Variants in PMS1 observed in about 807,000 individuals in gnomAD.
The protein encoded by PMS1 is PMS1 protein homolog 1.
Under a neutral mutation model 93.1 loss-of-function variants are expected in PMS1, and 79 were observed. The ratio of observed to expected loss-of-function variants is 0.85; its 90% confidence interval spans 0.71 to 1.02. The LOEUF (loss-of-function observed/expected upper bound fraction) is 1.02, where lower values mean the gene tolerates loss of function less well. PMS1 is among the 50% of genes least tolerant of loss of function. The probability of loss-of-function intolerance (pLI) is 0.00; values close to 1 mark genes in which losing one functional copy is unlikely to be tolerated. For synonymous variants in PMS1, 335 were observed against 363.4 expected (o/e 0.92, Z 0.89); for missense variants, 1,064 against 1,085.3 (o/e 0.98, Z 0.28).
At chr2:189,855,590 T>A (rs564735862) in intron 9 of PMS1, among the ~76,000 whole-genome samples, 1 of 152,092 alleles carries the variant, frequency 6.6e-6, no homozygotes, top group African/African-American at 2.4e-5. Flanking sequence ...CACAAAAAAA[T>A]TTGTATTATT....
intron 9 of PMS1, among the ~76,000 whole-genome samples, chr2:189,862,709 G>T (rs982465107): frequency 4.6e-5 from 7 of 152,134 alleles, no homozygotes; most frequent in African/African-American, 1.7e-4. Context: ...TTTCAATTTT[G>T]TTCTTGGACC....
intron 12 of PMS1, among the ~76,000 whole-genome samples, chr2:189,874,329 G>A (rs1196349873): frequency 6.6e-6 from 1 of 152,170 alleles, no homozygotes; most frequent in Admixed American, 6.5e-5. Flanking sequence ...AAAAAGTATT[G>A]TAATATAATT....
intron 6 of PMS1, among the ~76,000 whole-genome samples, chr2:189,851,032 T>G (rs2054655845): frequency 1.3e-5 from 2 of 152,246 alleles, no homozygotes; most frequent in African/African-American, 2.4e-5. Context: ...AAGTCTTATC[T>G]AATTTTCAAT....
chr2:189,813,575 C>G (rs2051024657), intron 4 of PMS1, among the ~76,000 whole-genome samples: 1 of 152,118 alleles, frequency 6.6e-6, no homozygotes, highest in Admixed American at 6.6e-5. Flanking sequence ...ATTAATAATT[C>G]ATGTGTTGAT....
chr2:189,843,723 G>A (rs1205446204), intron 5 of PMS1, among the ~76,000 whole-genome samples: 2 of 152,124 alleles, frequency 1.3e-5, no homozygotes, highest in African/African-American at 4.8e-5. Context: ...GAGAAATCTT[G>A]TAAAGAGGAG....
chr2:189,866,750 G>A (rs2056692200), intron 10 of PMS1, among the ~76,000 whole-genome samples: 1 of 152,094 alleles, frequency 6.6e-6, no homozygotes, highest in Admixed American at 6.6e-5. Context: ...TTATAGCTGA[G>A]GAAACTGAAA....
At chr2:189,845,930 G>A (rs762763264) in intron 6 of PMS1, among the ~76,000 whole-genome samples, 33 of 151,916 alleles carry the variant, frequency 2.2e-4, no homozygotes, top group Non-Finnish European at 2.5e-4. Flanking sequence ...TACCATGTTG[G>A]CCGGGCTGGT....
chr2:189,794,992 C>T (rs1339925480), intron 2 of PMS1, among the ~76,000 whole-genome samples: 2 of 152,130 alleles, frequency 1.3e-5, no homozygotes, highest in Non-Finnish European at 2.9e-5. Context: ...CCCAGCACCT[C>T]AAGAGGCTGA....
chr2:189,816,123 C>A (rs559814166), intron 4 of PMS1, among the ~76,000 whole-genome samples: 1 of 152,298 alleles, frequency 6.6e-6, no homozygotes, highest in African/African-American at 2.4e-5. Context: ...TCTCTACTTC[C>A]TGGGCTCAAG....
chr2:189,825,366 A>C (rs1314781628), intron 5 of PMS1, among the ~76,000 whole-genome samples: 1 of 152,216 alleles, frequency 6.6e-6, no homozygotes, highest in Non-Finnish European at 1.5e-5. Context: ...CAGAAGCTTT[A>C]GTTGTAATAA....
chr2:189,834,073 A>G (rs2053183094), intron 5 of PMS1, among the ~76,000 whole-genome samples: 2 of 152,018 alleles, frequency 1.3e-5, no homozygotes, highest in Admixed American at 6.5e-5. Flanking sequence ...TTACAGAGTA[A>G]GGTTTTTAAA....
rs570876790 is a variant in PMS1 at position 189,791,856 on chromosome 2, A to G, written c.47A>G (p.Gln16Arg). 5 of 1,613,956 alleles carry G rather than the reference A, an allele frequency of 3.1e-6. No homozygotes were observed. The South Asian group carries it at 3.3e-5, about 11-fold the overall frequency. ...AATVRLLSSSQIITSVVSVVK... is the reference protein window; with the variant it reads ...AATVRLLSSSRIITSVVSVVK... The stretch of plus-strand genomic sequence containing the variant: ...ACAGTTCGACTCCTTTCAAGTTCTC[A>G]GATCATCACTTCGGTGGTCAGTGTT... Residue 16 changes from glutamine to arginine, a missense_variant, in exon 2 of 13, where the codon CAG becomes CGG. Transcript: ENST00000441310.
At chr2:189,807,165 A>G (rs1559234680) in intron 4 of PMS1, 1 of 166,610 alleles carries the variant, frequency 6.0e-6, no homozygotes, top group South Asian at 2.0e-4. Flanking sequence ...TTAATTACTG[A>G]TTACTTTTGC....
intron 4 of PMS1, among the ~76,000 whole-genome samples, chr2:189,812,022 C>G (rs189386949): frequency 6.6e-6 from 1 of 152,000 alleles, no homozygotes; most frequent in Non-Finnish European, 1.5e-5. Flanking sequence ...AAATTACAGG[C>G]GGGTGCGGTG....
intron 1 of PMS1, chr2:189,785,333 A>T (rs1364129493): frequency 6.6e-6 from 1 of 152,082 alleles, no homozygotes; most frequent in Non-Finnish European, 1.5e-5. Context: ...TCTGATCTTT[A>T]CTTCTTTTTT....
At position 189,844,080 on chromosome 2, in the gene PMS1, G is replaced by A; in HGVS notation, c.699G>A (p.Gln233=). 6.2e-7 allele frequency: 1 copy of A among 1,613,428 alleles called. No homozygotes were observed. Among genetic ancestry groups the A allele is most frequent in the Non-Finnish European group, 8.5e-7 (1 of 1,179,864 alleles). Residue 233 remains glutamine, a splice_region_variant and synonymous_variant, in exon 6 of 13, where the codon CAG becomes CAA. Transcript: ENST00000441310. ...ESFQYHSEES[Q]IYLSGFLPKC... ...TTCAGTACCACTCTGAAGAATCTCAGGTATACTGCAAAAACATTCTCAGAT... is the reference window on the plus strand; with the variant it reads ...TTCAGTACCACTCTGAAGAATCTCAAGTATACTGCAAAAACATTCTCAGAT...
intron 5 of PMS1, among the ~76,000 whole-genome samples, chr2:189,837,256 G>C (rs1407412084): frequency 6.6e-6 from 1 of 151,550 alleles, no homozygotes; most frequent in East Asian, 1.9e-4. Flanking sequence ...CTCCTGAGTA[G>C]CTGGGACTAC....
rs1228388408 is a variant in PMS1 at position 189,852,753 on chromosome 2, A to G, written c.798A>G (p.Pro266=). The G allele has an allele frequency of 1.3e-6, 2 of 1,589,686 alleles. No homozygotes were observed. The highest frequency in any genetic ancestry group is 2.2e-5 in the East Asian group (1 of 44,664). Residue 266 remains proline, a synonymous_variant, in exon 7 of 13, where the codon CCA becomes CCG. Transcript: ENST00000441310. ...GTTTCATCTTCATAAACAGTCGACC[A>G]GTACATCAAAAAGATATCTTAAAGG... is the stretch of plus-strand genomic sequence containing the variant. The part of the protein sequence containing the change: ...ERSFIFINSR[P]VHQKDILKLI...
At position 189,873,647 on chromosome 2, in the gene PMS1, T is replaced by G; in HGVS notation, c.2625T>G (p.Ser875Arg). Residue 875 changes from serine to arginine, a missense_variant, in exon 12 of 13, where the codon AGT becomes AGG. By Grantham distance (110) the Ser-to-Arg change is moderately radical. Transcript: ENST00000441310. ...AATGTAGACCTCGCAAAGTGATAAG[T>G]TATTTAGAGGTACGCATTATTTTAT... ...VYECRPRKVI[S>R]YLEGEAVRLS... The G allele has an allele frequency of 6.2e-7, 1 of 1,603,752 alleles. No homozygotes were observed. Among genetic ancestry groups the G allele is most frequent in the Non-Finnish European group, 8.5e-7 (1 of 1,170,980 alleles).
Sources: gnomAD v4.1 joint callset for allele counts (sites outside exome capture counted in the v4.1 genomes callset) on GRCh38, gnomAD v4.1.1 for gene constraint, MANE v1.5 for transcripts, NCBI Gene and HGNC (gene_info 2026-07-23, HGNC 2026-07-21) for gene names.